The following ANKRD30BL variants were observed in gnomAD, a reference collection of about 807,000 sequenced individuals.
ANKRD30BL encodes ankyrin repeat domain 30B like.
Under a neutral mutation model 18.4 loss-of-function variants are expected in ANKRD30BL, and 20 were observed. The ratio of observed to expected loss-of-function variants is 1.09; its 90% confidence interval spans 0.77 to 1.58. The LOEUF is 1.58. Among genes scored for constraint, ANKRD30BL ranks in the 40% most tolerant of loss-of-function variants. ANKRD30BL has a pLI of 0.00. For missense variants in ANKRD30BL, 224 were observed against 268.6 expected (o/e 0.83, Z 1.16); for synonymous variants, 72 against 100.9 (o/e 0.71, Z 1.72).
intron 1 of ANKRD30BL, among the ~76,000 whole-genome samples, chr2:132,213,263 A>G (rs1281524141): frequency 6.6e-6 from 1 of 151,836 alleles, no homozygotes; most frequent in African/African-American, 2.4e-5. Context: ...CTGCAAGTGG[A>G]CATTTGGAGC....
chr2:132,207,436 ACT>A (rs1365758251), intron 1 of ANKRD30BL, among the ~76,000 whole-genome samples: 1 of 151,620 alleles, frequency 6.6e-6, no homozygotes, highest in Non-Finnish European at 1.5e-5. Flanking sequence ...CTCTCTAATA[ACT>A]CTTTTCTAAT....
chr2:132,218,916 G>T (rs925690972), intron 1 of ANKRD30BL, among the ~76,000 whole-genome samples: 26 of 151,628 alleles, frequency 1.7e-4, no homozygotes, highest in African/African-American at 6.3e-4. Context: ...TCTTTTTGTG[G>T]AATCTGCAAA....
chr2:132,211,000 C>T (rs62164425), intron 1 of ANKRD30BL, among the ~76,000 whole-genome samples: 1 of 142,924 alleles, frequency 7.0e-6, no homozygotes, highest in Admixed American at 7.0e-5. Context: ...TTTGTGGAAT[C>T]TGCAAGTGGA....
chr2:132,205,186 C>A (rs1178791179), intron 1 of ANKRD30BL, among the ~76,000 whole-genome samples: 1 of 151,906 alleles, frequency 6.6e-6, no homozygotes, highest in Non-Finnish European at 1.5e-5. Flanking sequence ...AATTCCATTC[C>A]AAGAATACAT....
At chr2:132,177,241 C>A (rs1257542894) in intron 1 of ANKRD30BL, among the ~76,000 whole-genome samples, 1 of 152,074 alleles carries the variant, frequency 6.6e-6, no homozygotes, top group Non-Finnish European at 1.5e-5. Context: ...GCAACCTGAG[C>A]CTCCTGGGTT....
At chr2:132,199,262 A>C (rs1424695538) in intron 1 of ANKRD30BL, among the ~76,000 whole-genome samples, 3 of 152,080 alleles carry the variant, frequency 2.0e-5, no homozygotes, top group Non-Finnish European at 4.4e-5. Context: ...CAGGAGGCTG[A>C]GACAAGAGAA....
upstream of ANKRD30BL, among the ~76,000 whole-genome samples, chr2:132,162,486 C>A (rs185588778): frequency 1.5e-3 from 231 of 152,326 alleles, 1 homozygote; most frequent in African/African-American, 5.3e-3. Flanking sequence ...GGCTTGCCAC[C>A]ACTGGGCCCT....
At chr2:132,157,625 G>A (rs1573802893) in intron 1 of ANKRD30BL, among the ~76,000 whole-genome samples, 1 of 152,118 alleles carries the variant, frequency 6.6e-6, no homozygotes, top group Admixed American at 6.5e-5. Context: ...TGAACAGAAA[G>A]AGCTTGGCCT....
intron 1 of ANKRD30BL, among the ~76,000 whole-genome samples, chr2:132,209,087 CTT>C (rs1322354562): frequency 8.7e-6 from 1 of 115,042 alleles, no homozygotes; most frequent in African/African-American, 3.5e-5. Context: ...TGAATGTTCT[CTT>C]GATTGAGCAG....
intron 1 of ANKRD30BL, among the ~76,000 whole-genome samples, chr2:132,187,549 C>T (rs56068132): frequency 0.19 from 28,486 of 151,742 alleles, 3,194 homozygotes; most frequent in Non-Finnish European, 0.27. Flanking sequence ...CTCTTAACCT[C>T]GTGATGAGCC....
chr2:132,163,071 G>A (rs1189563032), upstream of ANKRD30BL, among the ~76,000 whole-genome samples: 1 of 152,204 alleles, frequency 6.6e-6, no homozygotes, highest in African/African-American at 2.4e-5. Flanking sequence ...CCTGGATGGG[G>A]CTGAGCTGCA....
intron 1 of ANKRD30BL, among the ~76,000 whole-genome samples, chr2:132,251,395 C>T (rs568439281): frequency 5.2e-5 from 7 of 135,638 alleles, no homozygotes; most frequent in East Asian, 2.1e-4. Flanking sequence ...ACTACCACTT[C>T]GACAGTCAAG....
In ANKRD30BL at chr2:132,252,502, C is replaced by T. The variant is rs1049626939; in HGVS notation, n.441+5027G>A. ...GCCAGATGGGCCGTGTGGCAGGCTT[C>T]CAGCCCCAGACACACCGTGACGTGC... On this transcript the variant is annotated intron_variant and non_coding_transcript_variant, in intron 1 of 4. Transcript: ENST00000470729. Among the ~76,000 whole-genome samples, 175 of 150,994 alleles carry T rather than the reference C, an allele frequency of 1.2e-3. 1 individual carries two copies. Among genetic ancestry groups the T allele is most frequent in the Admixed American group, 2.4e-3 (36 of 15,178 alleles).
At chr2:132,229,397 C>T (rs1364035144) in intron 1 of ANKRD30BL, among the ~76,000 whole-genome samples, 1 of 152,112 alleles carries the variant, frequency 6.6e-6, no homozygotes, top group Non-Finnish European at 1.5e-5. Context: ...TTTGTAGAAT[C>T]TGCAAGTGGA....
At chr2:132,159,601 A>G (rs1688002470) in intron 1 of ANKRD30BL, among the ~76,000 whole-genome samples, 1 of 152,198 alleles carries the variant, frequency 6.6e-6, no homozygotes, top group Non-Finnish European at 1.5e-5. Context: ...TTGCTCAATT[A>G]TAATTAGCGG....
intron 1 of ANKRD30BL, among the ~76,000 whole-genome samples, chr2:132,207,118 C>T (rs1265563813): frequency 6.6e-6 from 1 of 152,084 alleles, no homozygotes; most frequent in African/African-American, 2.4e-5. Context: ...TCACAGACAT[C>T]AGGGGCTAGA....
upstream of ANKRD30BL, among the ~76,000 whole-genome samples, chr2:132,164,317 C>T (rs1458529973): frequency 3.8e-5 from 5 of 133,244 alleles, no homozygotes; most frequent in Non-Finnish European, 1.5e-5. Context: ...GCTCTTCTTG[C>T]CTTCTTGCCC....
At position 132,226,770 on chromosome 2, in the gene ANKRD30BL, T is replaced by G. The variant is rs538516496; in HGVS notation, n.441+30759A>C. 2.4e-3 allele frequency among the ~76,000 whole-genome samples: 368 copies of G among 152,238 alleles called. 2 individuals are homozygous for G. Among genetic ancestry groups the G allele is most frequent in the Middle Eastern group, 6.8e-3 (2 of 292 alleles). ...GCGTTCATCTCACAGAGTTGAACCT[T>G]TCTTTTGATTGAGAATTATGGAAAA... On this transcript the variant is annotated intron_variant and non_coding_transcript_variant, in intron 1 of 4. Transcript: ENST00000470729.
chr2:132,175,235 G>A (rs1315119828), intron 1 of ANKRD30BL, among the ~76,000 whole-genome samples: 1 of 151,704 alleles, frequency 6.6e-6, no homozygotes, highest in African/African-American at 2.4e-5. Context: ...GAGGAATGCA[G>A]TAGGAGAGCA....
Sources: gnomAD v4.1 joint callset for allele counts (sites outside exome capture counted in the v4.1 genomes callset) on GRCh38, gnomAD v4.1.1 for gene constraint, MANE v1.5 for transcripts, NCBI Gene and HGNC (gene_info 2026-07-23, HGNC 2026-07-21) for gene names.